ITPR2: variants seen among roughly 807,000 people sequenced by gnomAD.
The protein encoded by ITPR2 is inositol 1,4,5-trisphosphate-gated calcium channel ITPR2.
A neutral mutation model predicts 317.1 loss-of-function variants in ITPR2; 207 were observed. The observed-to-expected ratio is 0.65, with a 90% confidence interval of 0.58 to 0.73. The LOEUF is 0.73. Ranked by LOEUF, ITPR2 falls within the 30% of genes least tolerant of loss-of-function variation. The pLI, the probability that ITPR2 is intolerant of heterozygous loss-of-function variation, is 0.00. For synonymous variants in ITPR2, 1,156 were observed against 1,149.1 expected (o/e 1.01, Z -0.12); for missense variants, 2,613 against 3,284.0 (o/e 0.80, Z 4.99).
At chr12:26,379,599 C>A (rs374466251) in intron 55 of ITPR2, among the ~76,000 whole-genome samples, 1 of 152,152 alleles carries the variant, frequency 6.6e-6, no homozygotes, top group Non-Finnish European at 1.5e-5. Context: ...ACGCCCTCCC[C>A]CTATACCCCT....
intron 48 of ITPR2, among the ~76,000 whole-genome samples, chr12:26,433,864 TAG>T (rs562626823): frequency 2.4e-4 from 37 of 152,302 alleles, no homozygotes; most frequent in African/African-American, 8.7e-4. Context: ...CAGGAAACTA[TAG>T]AGTCTGCATG....
At chr12:26,631,306 T>G (rs971758514) in intron 22 of ITPR2, among the ~76,000 whole-genome samples, 2 of 152,208 alleles carry the variant, frequency 1.3e-5, no homozygotes, top group African/African-American at 4.8e-5. Context: ...AAATTAGGCA[T>G]TAGACTAGGT....
rs187217594 is a variant in ITPR2 at position 26,621,667 on chromosome 12, A to T, written c.3289-371T>A. The stretch of plus-strand genomic sequence containing the variant: ...ACATATACATATACGTATTTGATGT[A>T]TAACTACCCTTTTATTTCATATTCT... On this transcript the variant is annotated intron_variant, in intron 25 of 56. Coordinates refer to ENST00000381340, the MANE Select transcript of ITPR2 (RefSeq NM_002223.4). Among the ~76,000 whole-genome samples the T allele has an allele frequency of 3.3e-4, 50 of 152,320 alleles. No homozygotes were observed. In the Middle Eastern group the frequency reaches 0.014, roughly 41 times the overall value.
chr12:26,559,062 C>T (rs1944742453), intron 35 of ITPR2, among the ~76,000 whole-genome samples: 1 of 152,186 alleles, frequency 6.6e-6, no homozygotes, highest in African/African-American at 2.4e-5. Context: ...AATTAATACA[C>T]TTCTCTGCAT....
intron 37 of ITPR2, among the ~76,000 whole-genome samples, chr12:26,524,224 T>C (rs1943746593): frequency 6.6e-6 from 1 of 152,220 alleles, no homozygotes; most frequent in Non-Finnish European, 1.5e-5. Context: ...AAAGGAGTTT[T>C]CAAATTGGGA....
intron 45 of ITPR2, among the ~76,000 whole-genome samples, chr12:26,471,834 C>T (rs1306042759): frequency 6.6e-6 from 1 of 152,238 alleles, no homozygotes; most frequent in Non-Finnish European, 1.5e-5. Flanking sequence ...TGCATATCCA[C>T]AATGAAAACA....
At chr12:26,702,396 T>TTTG (rs1948459617) in intron 9 of ITPR2, among the ~76,000 whole-genome samples, 1 of 61,102 alleles carries the variant, frequency 1.6e-5, no homozygotes, top group African/African-American at 9.5e-5. Context: ...GTTTGGTTTT[T>TTTG]GGGGGCGGGG....
rs546657874 is a variant in ITPR2 at position 26,530,622 on chromosome 12, GC to G, written c.5073+19624del. ...TTGGACTTCTGATTCCAGGAACTCT[GC>G]CTCGTGTAGGATTCTCTGAAGTCAG... On this transcript the variant is annotated intron_variant, in intron 37 of 56. Transcript: ENST00000381340. Among the ~76,000 whole-genome samples the G allele has an allele frequency of 2.5e-3, 385 of 152,288 alleles. 1 individual carries two copies. Among genetic ancestry groups the G allele is most frequent in the Non-Finnish European group, 4.5e-3 (309 of 68,016 alleles).
At chr12:26,715,608 C>A in intron 7 of ITPR2, 144 bp downstream of exon 7, 2 of 776,280 alleles carry the variant, frequency 2.6e-6, no homozygotes, top group East Asian at 2.6e-5. Flanking sequence ...GGGGGAAATT[C>A]AGTAAAACAC....
intron 37 of ITPR2, among the ~76,000 whole-genome samples, chr12:26,528,563 A>T (rs1943866180): frequency 6.6e-6 from 1 of 152,226 alleles, no homozygotes; most frequent in South Asian, 2.1e-4. Flanking sequence ...ACATTGTACA[A>T]GAATGAAATG....
chr12:26,570,996 A>G (rs759730251), intron 34 of ITPR2, among the ~76,000 whole-genome samples: 13 of 152,156 alleles, frequency 8.5e-5, no homozygotes, highest in Admixed American at 1.3e-4. Context: ...TTTATACCTT[A>G]CATTCCAGTT....
At chr12:26,735,063 C>T (rs947473646) in intron 2 of ITPR2, among the ~76,000 whole-genome samples, 9 of 144,164 alleles carry the variant, frequency 6.2e-5, no homozygotes, top group South Asian at 2.2e-4. Flanking sequence ...TGCAATGGCA[C>T]GATCTCGGCT....
At chr12:26,559,290 T>C (rs1407766292) in intron 35 of ITPR2, among the ~76,000 whole-genome samples, 1 of 152,262 alleles carries the variant, frequency 6.6e-6, no homozygotes, top group African/African-American at 2.4e-5. Flanking sequence ...CCTTAATATG[T>C]GCCTTAATCT....
intron 37 of ITPR2, among the ~76,000 whole-genome samples, chr12:26,541,685 A>G (rs1944266850): frequency 6.6e-6 from 1 of 152,232 alleles, no homozygotes; most frequent in Non-Finnish European, 1.5e-5. Context: ...GCTTGATACA[A>G]TTTACAAATT....
chr12:26,788,217 C>A (rs554598599), intron 2 of ITPR2, among the ~76,000 whole-genome samples: 1 of 152,158 alleles, frequency 6.6e-6, no homozygotes, highest in Admixed American at 6.5e-5. Context: ...CCACCATGCC[C>A]GGCCCATTTG....
intron 55 of ITPR2, among the ~76,000 whole-genome samples, chr12:26,383,469 TG>T (rs985523863): frequency 1.3e-4 from 17 of 130,326 alleles, no homozygotes; most frequent in East Asian, 4.0e-4. Context: ...TATGTTTTTT[TG>T]TTTGTTTGTT....
rs148543956 is a variant in ITPR2 at position 26,521,708 on chromosome 12, G to T, written c.5074-26448C>A. Among the ~76,000 whole-genome samples, 18 of 152,290 alleles carry T rather than the reference G, an allele frequency of 1.2e-4. 1 individual carries two copies. The East Asian group carries it at 2.5e-3, about 21-fold the overall frequency. On this transcript the variant is annotated intron_variant, in intron 37 of 56. Transcript: ENST00000381340. ...GGGAGTCCCATCCCCAACAGTAATGGATCATATCTCATCTTTTAAAGACGC... is the reference window on the plus strand; with the variant it reads ...GGGAGTCCCATCCCCAACAGTAATGTATCATATCTCATCTTTTAAAGACGC...
intron 55 of ITPR2, among the ~76,000 whole-genome samples, chr12:26,368,640 C>T (rs1423122143): frequency 6.6e-6 from 1 of 152,162 alleles, no homozygotes; most frequent in Non-Finnish European, 1.5e-5. Context: ...CTCTAGCTAT[C>T]ACTTGCATTA....
chr12:26,490,186 G>C (rs1191138545), intron 39 of ITPR2, among the ~76,000 whole-genome samples: 1 of 152,174 alleles, frequency 6.6e-6, no homozygotes, highest in Non-Finnish European at 1.5e-5. Context: ...TGAAGAAGTT[G>C]AAATTCAATT....
Sources: gnomAD v4.1 joint callset for allele counts (sites outside exome capture counted in the v4.1 genomes callset) on GRCh38, gnomAD v4.1.1 for gene constraint, MANE v1.5 for transcripts, NCBI Gene and HGNC (gene_info 2026-07-23, HGNC 2026-07-21) for gene names.